The following TAPBP variants were observed in gnomAD, a reference collection of about 807,000 sequenced individuals.
TAPBP encodes the protein TAP binding protein, also known as tapasin.
Under a neutral mutation model 45.7 loss-of-function variants are expected in TAPBP, and 38 were observed. That is an observed-to-expected ratio of 0.83 (90% confidence interval 0.64 to 1.09). TAPBP has a LOEUF of 1.09. Ranked by LOEUF, TAPBP falls within the 50% of genes least tolerant of loss-of-function variation. The probability of loss-of-function intolerance (pLI) is 0.00; values close to 1 mark genes in which losing one functional copy is unlikely to be tolerated. For synonymous variants in TAPBP, 226 were observed against 254.8 expected, an observed-to-expected ratio of 0.89 and a Z score of 1.08; for missense variants, 513 against 587.3, an observed-to-expected ratio of 0.87 and a Z score of 1.31.
In TAPBP at chr6:33,301,573, C is replaced by CA. The variant is rs11350807; in HGVS notation, c.*186dup. 30,079 of 421,712 alleles carry CA rather than the reference C, an allele frequency of 0.071. 2 individuals carry two copies. Among genetic ancestry groups the CA allele is most frequent in the East Asian group, 0.11 (2,722 of 25,182 alleles). The allele number at this position is 421,712 out of a possible 1,614,324, so 26.1% of individuals were successfully genotyped here. On this transcript the variant is annotated 3_prime_UTR_variant, in exon 8 of 8. Transcript: ENST00000434618. ...TGGGCGGAAGAGTGAGACTCCGTCT[C>CA]AAAAAAAAAAAAAAAAGAAAAATTA...
Position 33,304,457 on chromosome 6 carries a change from C to T in TAPBP, c.1050G>A (p.Ser350=), listed in dbSNP as rs1178082313. 15 of 1,611,538 alleles carry T rather than the reference C, an allele frequency of 9.3e-6. No homozygotes were observed. The highest frequency in any genetic ancestry group is 1.2e-5 in the Non-Finnish European group (14 of 1,178,850). ...SQKAEGQRWL[S]ALRHHSDGSV... Reference sequence around the variant, plus strand: ...AGCCATCGGAATGGTGGCGCAGGGCCGAGAGCCACCTCTGCCCCTCGGCCT... The same window carrying T: ...AGCCATCGGAATGGTGGCGCAGGGCTGAGAGCCACCTCTGCCCCTCGGCCT... The change falls in exon 5 of 8, where the codon TCG becomes TCA. Residue 350 remains serine (S), a synonymous_variant. Coordinates refer to ENST00000434618, the MANE Select transcript of TAPBP (RefSeq NM_003190.5).
At chr6:33,309,593 T>C (rs1449281508) in intron 3 of TAPBP, among the ~76,000 whole-genome samples, 1 of 134,034 alleles carries the variant, frequency 7.5e-6, no homozygotes, top group Admixed American at 8.4e-5. Flanking sequence ...GTTTTACAGT[T>C]TAACTCTTTT....
At chr6:33,309,952 G>A (rs1036310754) in intron 3 of TAPBP, among the ~76,000 whole-genome samples, 5 of 151,232 alleles carry the variant, frequency 3.3e-5, no homozygotes, top group Admixed American at 2.0e-4. Context: ...TTGAACTTTC[G>A]ACCTCAGGTG....
chr6:33,304,750 C>A (rs1437949791), intron 4 of TAPBP, 112 bp from the exon 5 acceptor site: 1 of 1,350,306 alleles, frequency 7.4e-7, no homozygotes, highest in African/African-American at 1.5e-5. Flanking sequence ...TAGGTTTCTT[C>A]TCCTGAAATA....
chr6:33,313,664 TA>T lies in TAPBP; in HGVS notation c.208+29del, dbSNP rs776769614. 2.6e-5 allele frequency: 42 copies of T among 1,593,472 alleles called. No individual in the cohort carries two copies. The highest frequency in any genetic ancestry group is 5.1e-5 in the Admixed American group (3 of 58,876). ...GGGGTTTCGGTGGAGGCGACAGAGG[TA>T]GGGGGGCGGCGAGTCCCTAGAGACT... On this transcript the variant is annotated intron_variant, in intron 2 of 7. Coordinates refer to ENST00000434618, the MANE Select transcript of TAPBP (RefSeq NM_003190.5). The surrounding 1 kb of genome is among the most constrained non-coding windows in gnomAD (Gnocchi z 7.2).
In TAPBP at chr6:33,305,115, C is replaced by T; in HGVS notation, c.742G>A (p.Gly248Ser). The T allele has an allele frequency of 6.2e-7, 1 of 1,614,192 alleles. No individual in the cohort carries two copies. The highest frequency in any genetic ancestry group is 8.5e-7 in the Non-Finnish European group (1 of 1,180,040). The change falls in exon 4 of 8, where the codon GGC (glycine) becomes AGC (serine). Residue 248 changes from glycine to serine, a missense_variant. Transcript: ENST00000434618. The surrounding 1 kb of genome is among the most constrained non-coding windows in gnomAD (Gnocchi z 4.4). ...AAGGTCCCATTTCCGGTCCATGGGC[C>T]CCATGGCTCATCATCATCCCAAGCA... is the stretch of plus-strand genomic sequence containing the variant. ...FAAWDDDEPW[G>S]PWTGNGTFWL...
Position 33,312,177 on chromosome 6 carries a change from G to A in TAPBP, c.469+1040C>T, listed in dbSNP as rs182290091. 9.2e-5 allele frequency among the ~76,000 whole-genome samples: 14 copies of A among 152,264 alleles called. No individual in the cohort carries two copies. In the East Asian group the frequency reaches 2.7e-3, roughly 29 times the overall value. ...CTAGGAAATATTCCACCCCACCAGAGAGAGCTACTGTCTACACAAGAGCAG... is the reference window on the plus strand; with the variant it reads ...CTAGGAAATATTCCACCCCACCAGAAAGAGCTACTGTCTACACAAGAGCAG... On this transcript the variant is annotated intron_variant, in intron 3 of 7. Transcript: ENST00000434618.
Position 33,313,665 on chromosome 6 carries a change from A to G in TAPBP, c.208+29T>C. The G allele has an allele frequency of 6.3e-7, 1 of 1,595,562 alleles. No homozygotes were observed. The highest frequency in any genetic ancestry group is 8.6e-7 in the Non-Finnish European group (1 of 1,167,334). ...GGGTTTCGGTGGAGGCGACAGAGGTAGGGGGGCGGCGAGTCCCTAGAGACT... is the reference window on the plus strand; with the variant it reads ...GGGTTTCGGTGGAGGCGACAGAGGTGGGGGGGCGGCGAGTCCCTAGAGACT... On this transcript the variant is annotated intron_variant, in intron 2 of 7. Transcript: ENST00000434618. This position sits in a 1 kb window ranked among gnomAD's most constrained non-coding sequence, Gnocchi z 7.2.
chr6:33,302,570 G>A (rs1477990500), intron 7 of TAPBP, among the ~76,000 whole-genome samples: 1 of 147,778 alleles, frequency 6.8e-6, no homozygotes, highest in African/African-American at 2.5e-5. Context: ...CAGGTGATCC[G>A]CCCTCCTCAG....
At position 33,304,537 on chromosome 6, in the gene TAPBP, C is replaced by A. The variant is rs759019449; in HGVS notation, c.970G>T (p.Gly324Trp). 1 of 1,611,944 alleles carries A rather than the reference C, an allele frequency of 6.2e-7. No homozygotes were observed. The highest frequency in any genetic ancestry group is 1.3e-5 in the African/African-American group (1 of 74,906). ...AGTTCCCACTCCACCTCCAGGCCCCCAGAAGGGTAGAAGTGGGACACAAGG... is the reference window on the plus strand; with the variant it reads ...AGTTCCCACTCCACCTCCAGGCCCCAAGAAGGGTAGAAGTGGGACACAAGG... ...LCLVSHFYPSGGLEVEWELRG... is the reference protein window; with the variant it reads ...LCLVSHFYPSWGLEVEWELRG... The change falls in exon 5 of 8, where the codon GGG becomes TGG. Residue 324 changes from glycine to tryptophan, a missense_variant. Gly to Trp is a radical substitution (Grantham distance 184, BLOSUM62 -2). Transcript: ENST00000434618.
rs1179312935 is a variant in TAPBP, at chr6:33,304,995, C to A, written c.862G>T (p.Val288Leu). Residue 288 changes from valine (V) to leucine (L), a missense_variant, in exon 4 of 8, where the codon GTG (valine) becomes TTG (leucine). Val to Leu is a conservative substitution (Grantham distance 32). Transcript: ENST00000434618. ...LQGQVTLELA[V>L]YKPPKVSLMP... Reference sequence around the variant, plus strand: ...CCTCTGTCCCCCAACTCACTGTACACAGCAAGCTCCAGGGTGACCTGTCCT... The same window carrying A: ...CCTCTGTCCCCCAACTCACTGTACAAAGCAAGCTCCAGGGTGACCTGTCCT... The A allele has an allele frequency of 6.2e-7, 1 of 1,613,850 alleles. No homozygotes were observed. The highest frequency in any genetic ancestry group is 8.5e-7 in the Non-Finnish European group (1 of 1,179,874).
rs773667936 is a variant in TAPBP, at chr6:33,304,437, T to C, written c.1070A>G (p.Asp357Gly). 6.2e-7 allele frequency: 1 copy of C among 1,611,746 alleles called. No homozygotes were observed. Among genetic ancestry groups the C allele is most frequent in the South Asian group, 1.1e-5 (1 of 90,844 alleles). ...RWLSALRHHS[D>G]GSVSLSGHLQ... ...GTGCCCAGAGAGGCTGACAGAGCCA[T>C]CGGAATGGTGGCGCAGGGCCGAGAG... The change falls in exon 5 of 8, where the codon GAT becomes GGT. Residue 357 changes from aspartate to glycine, a missense_variant. By Grantham distance (94) the Asp-to-Gly change is moderately conservative. Coordinates refer to ENST00000434618, the MANE Select transcript of TAPBP (RefSeq NM_003190.5).
intron 3 of TAPBP, among the ~76,000 whole-genome samples, chr6:33,309,621 T>TTTTTG (rs9257104): frequency 7.1e-6 from 1 of 141,050 alleles, no homozygotes; most frequent in Non-Finnish European, 1.5e-5. Context: ...TTTTTTTTTT[T>TTTTTG]GGAGACAGGG....
At position 33,313,896 on chromosome 6, in the gene TAPBP, T is replaced by G. The variant is rs554572360; in HGVS notation, c.38-32A>C. ...TATAGGGACGCGAGTGAGGAGCGGT[T>G]TGTATGTCTGGTGACCTGCCCCACT... is the stretch of plus-strand genomic sequence containing the variant. On this transcript the variant is annotated intron_variant, in intron 1 of 7. Transcript: ENST00000434618. This position sits in a 1 kb window ranked among gnomAD's most constrained non-coding sequence, Gnocchi z 7.2. The G allele has an allele frequency of 6.2e-7, 1 of 1,613,160 alleles. No individual in the cohort carries two copies. Among genetic ancestry groups the G allele is most frequent in the African/African-American group, 1.3e-5 (1 of 75,002 alleles).
chr6:33,303,972 A>AG lies in TAPBP; in HGVS notation c.1317dup (p.Cys440LeufsTer33). The AG allele has an allele frequency of 6.2e-7, 1 of 1,613,966 alleles. No homozygotes were observed. The highest frequency in any genetic ancestry group is 8.5e-7 in the Non-Finnish European group (1 of 1,179,988). On this transcript the variant is annotated frameshift_variant, in exon 7 of 8. Coordinates refer to ENST00000434618, the MANE Select transcript of TAPBP (RefSeq NM_003190.5). LOFTEE classifies it high-confidence loss of function. ...CACTGTACCTTCTTTGAATCCTTGC[A>AG]GGTGGACAGGTAGACAGCTGTGGGG...
At chr6:33,304,806 T>C in intron 4 of TAPBP, 168 bp from the exon 5 acceptor site, 3 of 1,248,810 alleles carry the variant, frequency 2.4e-6, no homozygotes, top group Non-Finnish European at 3.3e-6. Context: ...AATACCCATG[T>C]CAAAGCCCCT....
rs1005659754 is a variant in TAPBP, at chr6:33,313,719, G to A, written c.183C>T (p.Asp61=). Residue 61 remains aspartate, a synonymous_variant, in exon 2 of 8, where the codon GAC becomes GAT. Coordinates refer to ENST00000434618, the MANE Select transcript of TAPBP (RefSeq NM_003190.5). The surrounding 1 kb of genome is among the most constrained non-coding windows in gnomAD (Gnocchi z 7.2). ...PGEPPPRPDL[D]PELYLSVHDP... ...CGTGTACACTGAGATAGAGCTCAGG[G>A]TCGAGGTCCGGCCGGGGCGGCGGTT... The A allele has an allele frequency of 6.2e-7, 1 of 1,613,356 alleles. No individual in the cohort carries two copies. Among genetic ancestry groups the A allele is most frequent in the Non-Finnish European group, 8.5e-7 (1 of 1,179,934 alleles).
In TAPBP at chr6:33,300,333, G is replaced by A. The variant is rs1331505571; in HGVS notation, c.*1427C>T. 6.5e-6 allele frequency: 1 copy of A among 153,576 alleles called. No individual in the cohort carries two copies. The highest frequency in any genetic ancestry group is 1.5e-5 in the Non-Finnish European group (1 of 68,054). 9.5% of individuals were successfully genotyped at this position (153,576 alleles called of 1,614,324 possible). A position where few individuals can be genotyped will look rare whatever the true frequency, so the allele number is the denominator to read the frequency against. The stretch of plus-strand genomic sequence containing the variant: ...TCTGAGACTATGTCAGGGGGTTTGT[G>A]AGATTTTATAACAAAATTAAGATGT... On this transcript the variant is annotated 3_prime_UTR_variant, in exon 8 of 8. Transcript: ENST00000434618.
chr6:33,301,908 G>T (rs1768615087), intron 7 of TAPBP, 137 bp from the exon 8 acceptor site: 1 of 1,210,384 alleles, frequency 8.3e-7, no homozygotes, highest in South Asian at 1.3e-5. Context: ...CTGCCCTCCA[G>T]ACACTGCTGA....
Sources: allele counts gnomAD v4.1 joint callset (sites outside exome capture counted in the v4.1 genomes callset), GRCh38; gene constraint gnomAD v4.1.1; non-coding constraint Gnocchi (gnomAD v3.1); transcripts MANE v1.5; gene names NCBI Gene and HGNC (gene_info 2026-07-23, HGNC 2026-07-21).